TSPAN5: variants seen among roughly 807,000 people sequenced by gnomAD.
TSPAN5 encodes tetraspanin-5.
A neutral mutation model predicts 37.1 loss-of-function variants in TSPAN5; 10 were observed. The observed-to-expected ratio is 0.27, with a 90% CI of 0.17 to 0.46. The LOEUF is 0.46. Among genes scored for constraint, TSPAN5 ranks in the 20% least tolerant of loss-of-function variants. The pLI, the probability that TSPAN5 is intolerant of heterozygous loss-of-function variation, is 1.00. For missense variants in TSPAN5, 195 were observed against 326.6 expected, an observed-to-expected ratio of 0.60 and a Z score of 3.11; for synonymous variants, 110 against 118.9, an observed-to-expected ratio of 0.93 and a Z score of 0.48.
chr4:98,596,036 T>C (rs1335731144), intron 1 of TSPAN5, among the ~76,000 whole-genome samples: 1 of 2,438 alleles, frequency 4.1e-4, no homozygotes. Flanking sequence ...GACAGTGGGG[T>C]GTTAAAGTCT....
chr4:98,520,556 G>A (rs1222961736), intron 1 of TSPAN5, among the ~76,000 whole-genome samples: 1 of 152,210 alleles, frequency 6.6e-6, no homozygotes, highest in Non-Finnish European at 1.5e-5. Flanking sequence ...ATCAGACGGG[G>A]AGTCAGGAGC....
At chr4:98,656,444 T>A (rs1311281471) in intron 1 of TSPAN5, among the ~76,000 whole-genome samples, 1 of 152,212 alleles carries the variant, frequency 6.6e-6, no homozygotes. Context: ...TCCGTGCCTC[T>A]CCAAGTCACA....
At chr4:98,591,659 TG>T (rs1178723023) in intron 1 of TSPAN5, among the ~76,000 whole-genome samples, 3 of 117,842 alleles carry the variant, frequency 2.5e-5, no homozygotes, top group Non-Finnish European at 5.1e-5. Context: ...TACAGGTTGA[TG>T]TTTTCATATA....
At chr4:98,611,942 A>C (rs1404889226) in intron 1 of TSPAN5, among the ~76,000 whole-genome samples, 4 of 152,248 alleles carry the variant, frequency 2.6e-5, no homozygotes, top group Non-Finnish European at 4.4e-5. Flanking sequence ...CCCTTCAGCC[A>C]GGAGCCCTTG....
At chr4:98,494,026 CTTAGCAAAGAGACCAG>C (rs960568913) in intron 2 of TSPAN5, among the ~76,000 whole-genome samples, 16 of 152,210 alleles carry the variant, frequency 1.1e-4, no homozygotes, top group Non-Finnish European at 8.8e-5. Context: ...TCTCTCATAA[CTTAGCAAAGAGACCAG>C]TATATGTCTA....
At position 98,642,354 on chromosome 4, in the gene TSPAN5, G is replaced by A. The variant is rs117708846; in HGVS notation, c.81+15792C>T. ...TCTTAGCAATAATTAATCATTTGTTGGGGTCTCTAGCTAAGACTTAGTAAC... is the reference window on the plus strand; with the variant it reads ...TCTTAGCAATAATTAATCATTTGTTAGGGTCTCTAGCTAAGACTTAGTAAC... On this transcript the variant is annotated intron_variant, in intron 1 of 7. Transcript: ENST00000305798. Among the ~76,000 whole-genome samples the A allele has an allele frequency of 9.8e-4, 149 of 152,206 alleles. 2 individuals carry two copies. In the East Asian group the frequency reaches 0.025, roughly 25 times the overall value.
intron 1 of TSPAN5, among the ~76,000 whole-genome samples, chr4:98,513,585 A>G (rs1468053671): frequency 1.3e-5 from 2 of 152,116 alleles, no homozygotes; most frequent in Admixed American, 6.5e-5. Context: ...AGTGTTAAGG[A>G]TAATGCCTAC....
Position 98,609,398 on chromosome 4 carries a change from GA to G in TSPAN5, c.81+48747del, listed in dbSNP as rs776834296. ...GGCCAGGGCAGTGCTCGGAATGCTGGAGGTAAAACCAGATGGCATCACTGCT... is the reference window on the plus strand; with the variant it reads ...GGCCAGGGCAGTGCTCGGAATGCTGGGGTAAAACCAGATGGCATCACTGCT... On this transcript the variant is annotated intron_variant, in intron 1 of 7. Coordinates refer to ENST00000305798, the MANE Select transcript of TSPAN5 (RefSeq NM_005723.4). 1.2e-4 allele frequency among the ~76,000 whole-genome samples: 19 copies of G among 152,254 alleles called. No homozygotes were observed. In the East Asian group the frequency reaches 1.7e-3, roughly 14 times the overall value.
rs541905709 is a variant in TSPAN5, at chr4:98,501,674, G to A, written c.132+6004C>T. ...CCTGGGGTTGTGGGGGTATGTTTGGGATGCGGGAGGAATAGCAAGTTGATA... is the reference window on the plus strand; with the variant it reads ...CCTGGGGTTGTGGGGGTATGTTTGGAATGCGGGAGGAATAGCAAGTTGATA... On this transcript the variant is annotated intron_variant, in intron 2 of 7. Coordinates refer to ENST00000305798, the MANE Select transcript of TSPAN5 (RefSeq NM_005723.4). Among the ~76,000 whole-genome samples, 5 of 152,282 alleles carry A rather than the reference G, an allele frequency of 3.3e-5. No individual in the cohort carries two copies. In the South Asian group the frequency reaches 1.0e-3, roughly 32 times the overall value.
At chr4:98,627,638 A>G (rs995068601) in intron 1 of TSPAN5, among the ~76,000 whole-genome samples, 2 of 152,222 alleles carry the variant, frequency 1.3e-5, no homozygotes, top group Admixed American at 6.5e-5. Context: ...TATAAATGCA[A>G]ATAAACCCCC....
At chr4:98,519,634 T>C (rs1048777613) in intron 1 of TSPAN5, among the ~76,000 whole-genome samples, 1 of 152,216 alleles carries the variant, frequency 6.6e-6, no homozygotes, top group African/African-American at 2.4e-5. Context: ...GGCAGGCTTT[T>C]GGTGTCATTT....
rs761669689 is a variant in TSPAN5 at position 98,486,840 on chromosome 4, A to G, written c.177T>C (p.Phe59=). 101 of 1,614,056 alleles carry G rather than the reference A, an allele frequency of 6.3e-5. 3 individuals carry two copies. The South Asian group carries it at 1.1e-3, about 18-fold the overall frequency. ...CCACAAGGAAGAGCCAAACTGGGTC[A>G]AAGCCGCCGAGATCGGTGATGGAAG... ...NISSITDLGG[F]DPVWLFLVVG... Residue 59 remains phenylalanine, a synonymous_variant, in exon 3 of 8, where the codon TTT becomes TTC. Coordinates refer to ENST00000305798, the MANE Select transcript of TSPAN5 (RefSeq NM_005723.4).
chr4:98,648,487 C>T (rs953193210), intron 1 of TSPAN5, among the ~76,000 whole-genome samples: 5 of 152,208 alleles, frequency 3.3e-5, no homozygotes, highest in African/African-American at 9.6e-5. Flanking sequence ...CTGTGCCTAT[C>T]GAATAAATGG....
At chr4:98,492,136 C>T (rs532942268) in intron 2 of TSPAN5, among the ~76,000 whole-genome samples, 10 of 152,300 alleles carry the variant, frequency 6.6e-5, no homozygotes, top group African/African-American at 2.2e-4. Context: ...AGATCTCATA[C>T]AATCCTGCTG....
intron 1 of TSPAN5, among the ~76,000 whole-genome samples, chr4:98,586,981 A>G (rs1755502716): frequency 6.6e-6 from 1 of 152,182 alleles, no homozygotes; most frequent in Non-Finnish European, 1.5e-5. Context: ...CCTTGGACAA[A>G]GGCAGGGAAT....
chr4:98,508,821 G>A (rs906275856), intron 1 of TSPAN5, among the ~76,000 whole-genome samples: 2 of 151,994 alleles, frequency 1.3e-5, no homozygotes, highest in African/African-American at 4.8e-5. Context: ...CACCACTCCC[G>A]GACTAGGGCT....
intron 1 of TSPAN5, among the ~76,000 whole-genome samples, chr4:98,602,000 T>G (rs367740538): frequency 6.6e-6 from 1 of 152,144 alleles, no homozygotes; most frequent in East Asian, 1.9e-4. Flanking sequence ...AACACACACA[T>G]TTATTAAGTT....
chr4:98,626,909 G>C (rs1173508432), intron 1 of TSPAN5, among the ~76,000 whole-genome samples: 1 of 21,362 alleles, frequency 4.7e-5, no homozygotes, highest in South Asian at 1.7e-3. Flanking sequence ...TTTTTTTTTT[G>C]GTCTGCTTTG....
At chr4:98,647,597 T>C (rs1019188133) in intron 1 of TSPAN5, among the ~76,000 whole-genome samples, 5 of 152,116 alleles carry the variant, frequency 3.3e-5, no homozygotes, top group African/African-American at 1.2e-4. Flanking sequence ...ATCAAAATAG[T>C]AAATAGTAGC....
Sources: allele counts gnomAD v4.1 joint callset (sites outside exome capture counted in the v4.1 genomes callset), GRCh38; gene constraint gnomAD v4.1.1; transcripts MANE v1.5; gene names NCBI Gene and HGNC (gene_info 2026-07-23, HGNC 2026-07-21).